Variants in GPR39 observed in about 807,000 individuals in gnomAD.
GPR39 encodes G protein-coupled receptor 39, also known as zinc sensing receptor.
Under a neutral mutation model 18.4 loss-of-function variants are expected in GPR39, and 23 were observed. That is an observed-to-expected ratio of 1.25 (90% confidence interval 0.90 to 1.77). GPR39 has a LOEUF of 1.77. Ranked by LOEUF, GPR39 falls within the 40% of genes most tolerant of loss-of-function variation. The pLI is 0.00. For synonymous variants in GPR39, 280 were observed against 257.9 expected, an observed-to-expected ratio of 1.09 and a Z score of -0.82; for missense variants, 647 against 602.4, an observed-to-expected ratio of 1.07 and a Z score of -0.78.
intron 1 of GPR39, among the ~76,000 whole-genome samples, chr2:132,511,934 G>A (rs1679248550): frequency 6.6e-6 from 1 of 152,118 alleles, no homozygotes; most frequent in Admixed American, 6.6e-5. Context: ...AAAAGTGCAC[G>A]AACTCATGGT....
intron 1 of GPR39, among the ~76,000 whole-genome samples, chr2:132,554,912 A>G (rs11693837): frequency 0.046 from 7,059 of 152,144 alleles, 228 homozygotes; most frequent in South Asian, 0.086. Flanking sequence ...GTACCGTTCA[A>G]ACCCCACACA....
intron 1 of GPR39, among the ~76,000 whole-genome samples, chr2:132,470,421 G>C (rs1024748075): frequency 6.6e-6 from 1 of 152,146 alleles, no homozygotes; most frequent in Non-Finnish European, 1.5e-5. Flanking sequence ...CAGGCTGAGG[G>C]ACCATGGTGG....
rs907890884 is a variant in GPR39, at chr2:132,543,461, C to T, written c.857-101640C>T. 1.4e-4 allele frequency among the ~76,000 whole-genome samples: 22 copies of T among 152,164 alleles called. 1 individual carries two copies. Among genetic ancestry groups the T allele is most frequent in the South Asian group, 4.1e-4 (2 of 4,822 alleles). ...GGGCAGGTCAGAGGTTCTCCAGGGT[C>T]GCTTCCCTTACTATCTTCCTAAAGC... On this transcript the variant is annotated intron_variant, in intron 1 of 1. Transcript: ENST00000329321.
At chr2:132,617,322 C>G (rs1340542174) in intron 1 of GPR39, among the ~76,000 whole-genome samples, 1 of 151,726 alleles carries the variant, frequency 6.6e-6, no homozygotes, top group African/African-American at 2.4e-5. Context: ...GAGGATATTA[C>G]AGAGTTGTTT....
chr2:132,469,829 C>G (rs573944814), intron 1 of GPR39, among the ~76,000 whole-genome samples: 1 of 152,296 alleles, frequency 6.6e-6, no homozygotes, highest in East Asian at 1.9e-4. Context: ...TGGCCCCATG[C>G]AACTTTCCCG....
intron 1 of GPR39, among the ~76,000 whole-genome samples, chr2:132,470,065 T>C (rs1225137666): frequency 6.6e-6 from 1 of 152,140 alleles, no homozygotes. Context: ...TGTGATGTCT[T>C]AGGACACTCA....
chr2:132,632,418 C>G (rs1681666603), intron 1 of GPR39, among the ~76,000 whole-genome samples: 2 of 152,144 alleles, frequency 1.3e-5, no homozygotes, highest in African/African-American at 4.8e-5. Context: ...CCATGACACC[C>G]ACAGGAAGAA....
intron 1 of GPR39, among the ~76,000 whole-genome samples, chr2:132,448,937 G>T (rs1680585763): frequency 6.6e-6 from 1 of 152,200 alleles, no homozygotes; most frequent in Non-Finnish European, 1.5e-5. Context: ...GGACAATGGT[G>T]TGATGCAGAT....
rs113078442 is a variant in GPR39 at position 132,561,088 on chromosome 2, AT to A, written c.857-84003del. Among the ~76,000 whole-genome samples the A allele has an allele frequency of 6.7e-4, 96 of 143,740 alleles. 2 individuals carry two copies. In the East Asian group the frequency reaches 7.5e-3, roughly 11 times the overall value. The allele number at this position is 143,740 out of a possible 152,430, so 94.3% of individuals were successfully genotyped here. A position where few individuals can be genotyped will look rare whatever the true frequency, so the allele number is the denominator to read the frequency against. ...GCCACCATGCCTGGCTAAATTTTGT[AT>A]TTTTTTTTTCAGTAGAGAAGGGGTT... On this transcript the variant is annotated intron_variant, in intron 1 of 1. Coordinates refer to ENST00000329321, the MANE Select transcript of GPR39 (RefSeq NM_001508.3).
chr2:132,466,615 C>T (rs906844265), intron 1 of GPR39, among the ~76,000 whole-genome samples: 5 of 152,200 alleles, frequency 3.3e-5, no homozygotes, highest in African/African-American at 1.2e-4. Context: ...CCCAGGCTAA[C>T]AGGCCTGGAC....
intron 1 of GPR39, among the ~76,000 whole-genome samples, chr2:132,590,751 A>G (rs1033200425): frequency 2.0e-5 from 3 of 151,950 alleles, no homozygotes; most frequent in Non-Finnish European, 2.9e-5. Context: ...ACCTGGGAAG[A>G]CTGATATATT....
Position 132,646,315 on chromosome 2 carries a change from G to T in GPR39, c.*709G>T. On this transcript the variant is annotated 3_prime_UTR_variant, in exon 2 of 2. Coordinates refer to ENST00000329321, the MANE Select transcript of GPR39 (RefSeq NM_001508.3). ...AGACCCAAAGGAGCTGAGTTAACGT[G>T]CACCGGCAAAAGAATAGCTGTCCCT... The T allele has an allele frequency of 7.3e-7, 1 of 1,370,568 alleles. No individual in the cohort carries two copies. The highest frequency in any genetic ancestry group is 9.6e-7 in the Non-Finnish European group (1 of 1,039,664). 84.9% of individuals were successfully genotyped at this position (1,370,568 alleles called of 1,614,324 possible).
At chr2:132,626,004 G>A (rs1442062870) in intron 1 of GPR39, among the ~76,000 whole-genome samples, 3 of 151,898 alleles carry the variant, frequency 2.0e-5, no homozygotes, top group Non-Finnish European at 4.4e-5. Flanking sequence ...GGAGGCTGAG[G>A]CAGGAGAATG....
At chr2:132,451,155 G>GTGTGTA (rs1349517015) in intron 1 of GPR39, among the ~76,000 whole-genome samples, 4 of 127,894 alleles carry the variant, frequency 3.1e-5, no homozygotes, top group African/African-American at 1.0e-4. Flanking sequence ...GGCTGTGTGT[G>GTGTGTA]TGTGTGTGTG....
intron 1 of GPR39, among the ~76,000 whole-genome samples, chr2:132,629,925 CT>C (rs1681618087): frequency 1.3e-5 from 2 of 152,188 alleles, no homozygotes; most frequent in Non-Finnish European, 2.9e-5. Context: ...CTGCTGTCCA[CT>C]CATTTTCTTT....
At chr2:132,595,245 A>G (rs1267191144) in intron 1 of GPR39, among the ~76,000 whole-genome samples, 1 of 151,988 alleles carries the variant, frequency 6.6e-6, no homozygotes, top group African/African-American at 2.4e-5. Flanking sequence ...TGATCTGCCC[A>G]CCTGCCTCGG....
intron 1 of GPR39, among the ~76,000 whole-genome samples, chr2:132,440,021 T>A (rs1490453958): frequency 4.6e-5 from 7 of 152,168 alleles, no homozygotes; most frequent in Non-Finnish European, 7.4e-5. Flanking sequence ...TGACACCTAG[T>A]TATTCCCATC....
intron 1 of GPR39, among the ~76,000 whole-genome samples, chr2:132,441,918 T>G (rs1315010877): frequency 2.0e-5 from 3 of 152,190 alleles, no homozygotes; most frequent in Non-Finnish European, 4.4e-5. Flanking sequence ...CACCTGCTTC[T>G]GGAGATGATT....
At chr2:132,554,507 G>T (rs187205798) in intron 1 of GPR39, among the ~76,000 whole-genome samples, 1 of 152,336 alleles carries the variant, frequency 6.6e-6, no homozygotes, top group Admixed American at 6.5e-5. Flanking sequence ...GATAGTTGAA[G>T]CCAGAAGTTG....
Sources: allele counts gnomAD v4.1 joint callset (sites outside exome capture counted in the v4.1 genomes callset), GRCh38; gene constraint gnomAD v4.1.1; transcripts MANE v1.5; gene names NCBI Gene and HGNC (gene_info 2026-07-23, HGNC 2026-07-21).